SFXN5: variants seen among roughly 807,000 people sequenced by gnomAD.
SFXN5 encodes the protein sideroflexin-5.
Under a neutral mutation model 50.2 loss-of-function variants are expected in SFXN5, and 43 were observed. That is an observed-to-expected ratio of 0.86 (90% confidence interval 0.67 to 1.11). The LOEUF (loss-of-function observed/expected upper bound fraction) is 1.11. Among genes scored for constraint, SFXN5 ranks in the 50% least tolerant of loss-of-function variants. The pLI is 0.00. For synonymous variants in SFXN5, 203 were observed against 185.8 expected, an observed-to-expected ratio of 1.09 and a Z score of -0.75; for missense variants, 463 against 454.1, an observed-to-expected ratio of 1.02 and a Z score of -0.18.
At chr2:73,018,202 TAAAAGAAAAAA>T (rs1242997697) in intron 6 of SFXN5, among the ~76,000 whole-genome samples, 1 of 54,860 alleles carries the variant, frequency 1.8e-5, no homozygotes, top group Admixed American at 1.9e-4. Context: ...TGAGACAAAA[TAAAAGAAAAAA>T]GAAAGAAAAA....
At chr2:73,041,670 G>A in intron 2 of SFXN5, 1 of 398,998 alleles carries the variant, frequency 2.5e-6, no homozygotes, top group Admixed American at 2.9e-5. Context: ...ATCTAAAAAA[G>A]AAAAAAATAG....
At position 72,992,604 on chromosome 2, in the gene SFXN5, C is replaced by A. The variant is rs149774779; in HGVS notation, c.535-4256G>T. Among the ~76,000 whole-genome samples, 254 of 152,348 alleles carry A rather than the reference C, an allele frequency of 1.7e-3. 2 individuals carry two copies. Among genetic ancestry groups the A allele is most frequent in the Non-Finnish European group, 2.9e-3 (200 of 68,038 alleles). ...GCCAGAGACCTCACAGCGTTCTGGGCAGGAGCCTCCTGGGGCCCACGTGTA... is the reference window on the plus strand; with the variant it reads ...GCCAGAGACCTCACAGCGTTCTGGGAAGGAGCCTCCTGGGGCCCACGTGTA... On this transcript the variant is annotated intron_variant, in intron 9 of 13. Coordinates refer to ENST00000272433, the MANE Select transcript of SFXN5 (RefSeq NM_144579.3). The surrounding 1 kb of genome is among the most constrained non-coding windows in gnomAD (Gnocchi z 4.5).
intron 7 of SFXN5, 113 bp downstream of exon 7, chr2:73,001,412 G>T: frequency 9.1e-7 from 1 of 1,101,008 alleles, no homozygotes; most frequent in Non-Finnish European, 1.4e-6. Flanking sequence ...TGTTGGGGTG[G>T]ACTGACCCTA....
At chr2:73,027,813 C>A (rs1307022128) in intron 3 of SFXN5, among the ~76,000 whole-genome samples, 4 of 152,082 alleles carry the variant, frequency 2.6e-5, no homozygotes, top group Non-Finnish European at 5.9e-5. Flanking sequence ...GCGTGTGCCA[C>A]CACACTTGGC....
intron 2 of SFXN5, among the ~76,000 whole-genome samples, chr2:73,045,234 AAC>A (rs1439533050): frequency 2.0e-5 from 3 of 152,136 alleles, no homozygotes; most frequent in East Asian, 3.9e-4. Flanking sequence ...AGGAAACCTC[AAC>A]TCTAGTTCCA....
intron 1 of SFXN5, chr2:73,070,514 C>A (rs1683502032): frequency 6.6e-6 from 1 of 152,370 alleles, no homozygotes; most frequent in South Asian, 2.1e-4. Context: ...CCTCGGCTGC[C>A]GCCCACCCCT....
chr2:73,006,978 A>G (rs1224738838), intron 6 of SFXN5, among the ~76,000 whole-genome samples: 1 of 152,236 alleles, frequency 6.6e-6, no homozygotes, highest in African/African-American at 2.4e-5. Context: ...GTAACTTGCT[A>G]CAAGAAAAAT....
At chr2:72,977,679 GT>G (rs1285116378) in intron 10 of SFXN5, among the ~76,000 whole-genome samples, 1 of 152,062 alleles carries the variant, frequency 6.6e-6, no homozygotes, top group African/African-American at 2.4e-5. Flanking sequence ...ATTTTGTGTT[GT>G]TAAGAAACTC....
At chr2:73,061,712 G>A (rs529728274) in intron 1 of SFXN5, among the ~76,000 whole-genome samples, 2 of 152,232 alleles carry the variant, frequency 1.3e-5, no homozygotes, top group South Asian at 4.1e-4. Flanking sequence ...CTGGGTAATA[G>A]GCTTATGTAT....
intron 13 of SFXN5, among the ~76,000 whole-genome samples, chr2:72,946,686 A>G (rs1459936710): frequency 6.6e-6 from 1 of 151,836 alleles, no homozygotes; most frequent in East Asian, 1.9e-4. Context: ...TGACGCCGCC[A>G]TCCAGTGGTG....
At position 73,022,413 on chromosome 2, in the gene SFXN5, G is replaced by GT. The variant is rs1339198521; in HGVS notation, c.331+108dup. 1.7e-5 allele frequency: 14 copies of GT among 828,394 alleles called. No individual in the cohort carries two copies. The Admixed American group carries it at 2.6e-4, about 15-fold the overall frequency. The allele number at this position is 828,394 out of a possible 1,614,324, so 51.3% of individuals were successfully genotyped here. A position where few individuals can be genotyped will look rare whatever the true frequency, so the allele number is the denominator to read the frequency against. ...TAGAGGTGCAAATATGGCCATGATTGTAACAGGCTCTGTCCCCTCCTTAGG... is the reference window on the plus strand; with the variant it reads ...TAGAGGTGCAAATATGGCCATGATTGTTAACAGGCTCTGTCCCCTCCTTAGG... On this transcript the variant is annotated intron_variant, in intron 5 of 13. Coordinates refer to ENST00000272433, the MANE Select transcript of SFXN5 (RefSeq NM_144579.3).
intron 2 of SFXN5, among the ~76,000 whole-genome samples, chr2:73,056,026 T>C (rs1173947660): frequency 1.3e-5 from 2 of 152,140 alleles, no homozygotes; most frequent in African/African-American, 4.8e-5. Context: ...TAATCCCAGC[T>C]ACTCGGGAGG....
intron 6 of SFXN5, among the ~76,000 whole-genome samples, chr2:73,005,919 G>A (rs981892267): frequency 1.3e-5 from 2 of 152,002 alleles, no homozygotes; most frequent in African/African-American, 4.8e-5. Flanking sequence ...CTAATTGCAG[G>A]GGGTGGGGGT....
At chr2:72,957,551 T>C (rs1173343732) in intron 13 of SFXN5, among the ~76,000 whole-genome samples, 2 of 152,254 alleles carry the variant, frequency 1.3e-5, no homozygotes, top group East Asian at 1.9e-4. Context: ...GATTAGTTAA[T>C]TGGTGTTCCA....
rs763750596 is a variant in SFXN5 at position 72,988,298 on chromosome 2, G to C, written c.585C>G (p.Thr195=). Residue 195 remains threonine, a synonymous_variant, in exon 10 of 14, where the codon ACC becomes ACG. Coordinates refer to ENST00000272433, the MANE Select transcript of SFXN5 (RefSeq NM_144579.3). ...GCACAAACCTCTGGATGAGAAGGCGGGTGGCTGGGGTGAACTTGTTGGCTT... is the reference window on the plus strand; with the variant it reads ...GCACAAACCTCTGGATGAGAAGGCGCGTGGCTGGGGTGAACTTGTTGGCTT... ...VQKANKFTPA[T]RLLIQRFVPF... 1 of 1,613,898 alleles carries C rather than the reference G, an allele frequency of 6.2e-7. No individual in the cohort carries two copies. Among genetic ancestry groups the C allele is most frequent in the Non-Finnish European group, 8.5e-7 (1 of 1,179,852 alleles).
rs1672718506 is a variant in SFXN5 at position 72,992,517 on chromosome 2, TTG to T, written c.535-4171_535-4170del. 6.6e-6 allele frequency among the ~76,000 whole-genome samples: 1 copy of T among 152,070 alleles called. No individual in the cohort carries two copies. Among genetic ancestry groups the T allele is most frequent in the African/African-American group, 2.4e-5 (1 of 41,402 alleles). Reference sequence around the variant, plus strand: ...CAGCTTCTCGCACCCCAAATGAAGGTTGTCTCGTTCTTCCTCACCCACACCCC... The same window carrying T: ...CAGCTTCTCGCACCCCAAATGAAGGTTCTCGTTCTTCCTCACCCACACCCC... On this transcript the variant is annotated intron_variant, in intron 9 of 13. Transcript: ENST00000272433. The surrounding 1 kb of genome is among the most constrained non-coding windows in gnomAD (Gnocchi z 4.5).
chr2:73,069,506 T>C (rs369553844), intron 1 of SFXN5, among the ~76,000 whole-genome samples: 1 of 152,094 alleles, frequency 6.6e-6, no homozygotes, highest in South Asian at 2.1e-4. Flanking sequence ...GGAGCAGATA[T>C]GGAGGAAAGA....
At chr2:73,068,738 T>A (rs1019674937) in intron 1 of SFXN5, among the ~76,000 whole-genome samples, 1 of 151,754 alleles carries the variant, frequency 6.6e-6, no homozygotes, top group Non-Finnish European at 1.5e-5. Flanking sequence ...GCAAAGTCCA[T>A]AGTCAACAGA....
chr2:73,020,348 A>G, intron 5 of SFXN5, 84 bp from the exon 6 acceptor site: 2 of 1,421,188 alleles, frequency 1.4e-6, no homozygotes, highest in South Asian at 2.4e-5. Context: ...GTTAGGTCTT[A>G]GGCTATCAGT....
Sources: gnomAD v4.1 joint callset for allele counts (sites outside exome capture counted in the v4.1 genomes callset) on GRCh38, gnomAD v4.1.1 for gene constraint, Gnocchi (gnomAD v3.1) non-coding constraint, MANE v1.5 for transcripts, NCBI Gene and HGNC (gene_info 2026-07-23, HGNC 2026-07-21) for gene names.